FDFT1: variants seen among roughly 807,000 people sequenced by gnomAD.
FDFT1 encodes squalene synthase.
FDFT1 carries 68 observed loss-of-function variants against 46.8 expected under a neutral mutation model. That is an observed-to-expected ratio of 1.45 (90% confidence interval 1.19 to 1.78). The LOEUF is 1.78. Ranked by LOEUF, FDFT1 falls within the 40% of genes most tolerant of loss-of-function variation. The probability of loss-of-function intolerance (pLI) is 0.00; values close to 1 mark genes in which losing one functional copy is unlikely to be tolerated. For missense variants in FDFT1, 928 were observed against 524.4 expected, an observed-to-expected ratio of 1.77 and a Z score of -7.52; for synonymous variants, 351 against 185.1, an observed-to-expected ratio of 1.90 and a Z score of -7.28.
intron 3 of FDFT1, among the ~76,000 whole-genome samples, chr8:11,820,529 T>C (rs1809083494): frequency 6.6e-6 from 1 of 152,222 alleles, no homozygotes; most frequent in Non-Finnish European, 1.5e-5. Context: ...CTTGCTGCTT[T>C]GTTTACACTG....
Position 11,802,808 on chromosome 8 carries a change from C to G in FDFT1, c.-25C>G. Reference sequence around the variant, plus strand: ...GGGACCGCAGAGGTGAGAGTCGCGCCCGGGAGTCCGCCGCCTGCGCCAGGA... The same window carrying G: ...GGGACCGCAGAGGTGAGAGTCGCGCGCGGGAGTCCGCCGCCTGCGCCAGGA... On this transcript the variant is annotated 5_prime_UTR_variant, in exon 1 of 8. Transcript: ENST00000220584. The G allele has an allele frequency of 6.3e-7, 1 of 1,584,892 alleles. No individual in the cohort carries two copies. Among genetic ancestry groups the G allele is most frequent in the Non-Finnish European group, 8.6e-7 (1 of 1,161,128 alleles).
At chr8:11,802,561 C>T (rs957057701), upstream of FDFT1, 4 of 603,590 alleles carry the variant, frequency 6.6e-6, no homozygotes, top group Admixed American at 2.2e-5. Context: ...ACGCCAGTCT[C>T]CTTCCGCGAC....
rs180785896 is a variant in FDFT1 at position 11,813,656 on chromosome 8, G to T, written c.381+3806G>T. ...AGAGGAATTTGTATCTGTATTCCCT[G>T]CTACTCTTACCCTCTATGTGGGATT... On this transcript the variant is annotated intron_variant, in intron 3 of 7. Coordinates refer to ENST00000220584, the MANE Select transcript of FDFT1 (RefSeq NM_004462.5). 2.6e-5 allele frequency among the ~76,000 whole-genome samples: 4 copies of T among 152,294 alleles called. No homozygotes were observed. The East Asian group carries it at 7.7e-4, about 29-fold the overall frequency.
At chr8:11,823,688 G>T (rs1809570514) in intron 4 of FDFT1, among the ~76,000 whole-genome samples, 1 of 151,922 alleles carries the variant, frequency 6.6e-6, no homozygotes, top group Non-Finnish European at 1.5e-5. Context: ...CTTGCCCTCA[G>T]CCTCCTGAGT....
upstream of FDFT1, chr8:11,798,025 G>C (rs1436373240): frequency 6.6e-6 from 1 of 152,200 alleles, no homozygotes; most frequent in South Asian, 2.1e-4. Context: ...TTGATTCGAA[G>C]ACATTTCATT....
chr8:11,802,818 G>T lies in FDFT1; in HGVS notation c.-15G>T, dbSNP rs373210887. ...AGGTGAGAGTCGCGCCCGGGAGTCC[G>T]CCGCCTGCGCCAGGATGGAGTTCGT... is the stretch of plus-strand genomic sequence containing the variant. On this transcript the variant is annotated 5_prime_UTR_variant, in exon 1 of 8. Coordinates refer to ENST00000220584, the MANE Select transcript of FDFT1 (RefSeq NM_004462.5). 1.6e-5 allele frequency: 25 copies of T among 1,598,250 alleles called. No homozygotes were observed. The highest frequency in any genetic ancestry group is 2.0e-5 in the Non-Finnish European group (24 of 1,171,162).
upstream of FDFT1, among the ~76,000 whole-genome samples, chr8:11,800,683 C>T (rs898868915): frequency 6.6e-6 from 1 of 152,202 alleles, no homozygotes; most frequent in African/African-American, 2.4e-5. Flanking sequence ...GAGCTAAGAA[C>T]ATGAAGTACA....
chr8:11,804,621 T>G (rs1969613), intron 1 of FDFT1, among the ~76,000 whole-genome samples: 2 of 147,040 alleles, frequency 1.4e-5, no homozygotes, highest in Non-Finnish European at 3.0e-5. Context: ...TTTTTTTTTT[T>G]GAGATGGAGT....
chr8:11,813,246 C>G (rs946791748), intron 3 of FDFT1, among the ~76,000 whole-genome samples: 2 of 152,118 alleles, frequency 1.3e-5, no homozygotes, highest in Non-Finnish European at 2.9e-5. Flanking sequence ...TCACCTGGTA[C>G]TAGTGGAAAG....
chr8:11,799,068 T>C (rs1255399419), upstream of FDFT1, among the ~76,000 whole-genome samples: 1 of 152,178 alleles, frequency 6.6e-6, no homozygotes, highest in African/African-American at 2.4e-5. Flanking sequence ...ACCTGACACA[T>C]TGAACAAACA....
chr8:11,833,546 A>G (rs140562629), intron 7 of FDFT1, among the ~76,000 whole-genome samples: 70 of 152,342 alleles, frequency 4.6e-4, no homozygotes, highest in African/African-American at 1.6e-3. Context: ...CTATATTAAA[A>G]TTCAGATTTA....
rs1281835953 is a variant in FDFT1, at chr8:11,839,136, C to T, written c.*527C>T. On this transcript the variant is annotated 3_prime_UTR_variant, in exon 8 of 8. Coordinates refer to ENST00000220584, the MANE Select transcript of FDFT1 (RefSeq NM_004462.5). The stretch of plus-strand genomic sequence containing the variant: ...AAGAATGCAAACTGCCTTTTCCACA[C>T]AAAGGCTGGGAATAAAATTCTGGGT... The T allele has an allele frequency of 6.5e-6, 1 of 154,842 alleles. No individual in the cohort carries two copies. Among genetic ancestry groups the T allele is most frequent in the Non-Finnish European group, 1.4e-5 (1 of 69,468 alleles). 9.6% of individuals were successfully genotyped at this position (154,842 alleles called of 1,614,324 possible).
chr8:11,834,025 C>A (rs895065894), intron 7 of FDFT1, among the ~76,000 whole-genome samples: 1 of 152,212 alleles, frequency 6.6e-6, no homozygotes, highest in African/African-American at 2.4e-5. Context: ...AGCCACAAGT[C>A]GTCTGGCCTC....
At chr8:11,828,040 A>G (rs142474421) in intron 5 of FDFT1, among the ~76,000 whole-genome samples, 2,490 of 152,262 alleles carry the variant, frequency 0.016, 77 homozygotes, top group African/African-American at 0.056. Context: ...CGTCTCTACT[A>G]AAATTACAAA....
Position 11,838,463 on chromosome 8 carries a change from A to G in FDFT1, c.1108A>G (p.Asn370Asp). 2 of 1,607,792 alleles carry G rather than the reference A, an allele frequency of 1.2e-6. No individual in the cohort carries two copies. Among genetic ancestry groups the G allele is most frequent in the Non-Finnish European group, 1.7e-6 (2 of 1,176,386 alleles). ...RQIISTIRTQ[N>D]LPNCQLISRS... The stretch of plus-strand genomic sequence containing the variant: ...GATCATCTCCACCATCCGGACGCAG[A>G]ATCTTCCCAACTGTCAGCTGATTTC... The change falls in exon 8 of 8, where the codon AAT becomes GAT. Residue 370 changes from asparagine (N) to aspartate (D), a missense_variant. Physicochemically the swap from Asn to Asp is conservative, Grantham distance 23. Transcript: ENST00000220584.
At chr8:11,803,253 G>A in intron 1 of FDFT1, 5 of 1,367,556 alleles carry the variant, frequency 3.7e-6, no homozygotes, top group Non-Finnish European at 4.8e-6. Flanking sequence ...TTACACATCT[G>A]AGGCAATGTG....
At chr8:11,821,633 G>T (rs1420912530) in intron 3 of FDFT1, 117 bp from the exon 4 acceptor site, 1 of 1,220,208 alleles carries the variant, frequency 8.2e-7, no homozygotes, top group Non-Finnish European at 1.2e-6. Flanking sequence ...ACCTAAATTA[G>T]GCTTATAGAT....
intron 1 of FDFT1, chr8:11,803,205 C>T (rs1014741915): frequency 5.7e-6 from 8 of 1,409,998 alleles, no homozygotes; most frequent in South Asian, 3.9e-5. Flanking sequence ...TCGTCCCCTC[C>T]GTGAGCATCG....
At chr8:11,804,511 T>G (rs950996922) in intron 1 of FDFT1, among the ~76,000 whole-genome samples, 5 of 151,930 alleles carry the variant, frequency 3.3e-5, no homozygotes, top group Non-Finnish European at 5.9e-5. Flanking sequence ...TACATCCCCA[T>G]GAGCCGTTAA....
Sources: gnomAD v4.1 joint callset for allele counts (sites outside exome capture counted in the v4.1 genomes callset) on GRCh38, gnomAD v4.1.1 for gene constraint, MANE v1.5 for transcripts, NCBI Gene and HGNC (gene_info 2026-07-23, HGNC 2026-07-21) for gene names.